The following SETD2 variants were observed in gnomAD, a reference collection of about 807,000 sequenced individuals.
The protein encoded by SETD2 is histone-lysine N-methyltransferase SETD2.
SETD2 carries 31 observed loss-of-function variants against 242.1 expected under a neutral mutation model. The observed-to-expected ratio is 0.13, with a 90% CI of 0.10 to 0.17. The LOEUF (loss-of-function observed/expected upper bound fraction) is 0.17, where lower values mean the gene tolerates loss of function less well. Among genes scored for constraint, SETD2 ranks in the 10% least tolerant of loss-of-function variants. SETD2 has a pLI of 1.00. For missense variants in SETD2, 2,481 were observed against 3,046.3 expected (o/e 0.81, Z 4.37); for synonymous variants, 1,006 against 1,066.5 (o/e 0.94, Z 1.11).
chr3:47,120,058 T>G, intron 3 of SETD2, 124 bp downstream of exon 3: 2 of 853,522 alleles, frequency 2.3e-6, no homozygotes, highest in Non-Finnish European at 3.4e-6. Flanking sequence ...TTTAGACTTT[T>G]AAATTTACTT....
At position 47,124,294 on chromosome 3, in the gene SETD2, A is replaced by G. The variant is rs2106724621; in HGVS notation, c.342T>C (p.Pro114=). The change falls in exon 3 of 21, where the codon CCT becomes CCC. Residue 114 remains proline, a synonymous_variant. Transcript: ENST00000409792. ...TATCACCAATTTCCATTTTCATTTTAGGAGTCGAGTCTACCTGAAGAGGTA... is the reference window on the plus strand; with the variant it reads ...TATCACCAATTTCCATTTTCATTTTGGGAGTCGAGTCTACCTGAAGAGGTA... ...PAVPLQVDST[P]KMKMEIGDTL... The G allele has an allele frequency of 6.4e-7, 1 of 1,551,784 alleles. No individual in the cohort carries two copies. The highest frequency in any genetic ancestry group is 1.2e-5 in the South Asian group (1 of 84,070).
At chr3:47,147,481 C>T (rs1192540625) in intron 1 of SETD2, among the ~76,000 whole-genome samples, 3 of 151,454 alleles carry the variant, frequency 2.0e-5, no homozygotes, top group Admixed American at 2.0e-4. Context: ...CACCACCACG[C>T]CCAGCTAATT....
In SETD2 at chr3:47,120,677, T is replaced by C. The variant is rs2043039729; in HGVS notation, c.3959A>G (p.Tyr1320Cys). Residue 1320 changes from tyrosine (Y) to cysteine (C), a missense_variant, in exon 3 of 21, where the codon TAT (tyrosine) becomes TGT (cysteine). Physicochemically the swap from Tyr to Cys is radical, Grantham distance 194. Coordinates refer to ENST00000409792, the MANE Select transcript of SETD2 (RefSeq NM_014159.7). ...TGGTACTTGTCCTTGAGTTCGATCA[T>C]ACACAACCCCAGTTCCAGGAGGTCT... ...SGRPPGTGVV[Y>C]DRTQGQVPDS... The C allele has an allele frequency of 6.2e-7, 1 of 1,614,160 alleles. No individual in the cohort carries two copies. The highest frequency in any genetic ancestry group is 8.5e-7 in the Non-Finnish European group (1 of 1,180,030).
intron 1 of SETD2, among the ~76,000 whole-genome samples, chr3:47,155,218 A>G (rs1359219281): frequency 6.6e-6 from 1 of 152,128 alleles, no homozygotes; most frequent in Non-Finnish European, 1.5e-5. Context: ...ATTACATATC[A>G]GGTAATAGTA....
At chr3:47,124,611 C>T (rs2106731450) in intron 2 of SETD2, 63 bp from the exon 3 acceptor site, 2 of 1,373,196 alleles carry the variant, frequency 1.5e-6, no homozygotes, top group Admixed American at 2.7e-5. Flanking sequence ...ATGGACTGCA[C>T]AGTTTAAAAT....
At chr3:47,137,591 G>A (rs2043618005) in intron 1 of SETD2, among the ~76,000 whole-genome samples, 1 of 152,074 alleles carries the variant, frequency 6.6e-6, no homozygotes, top group South Asian at 2.1e-4. Context: ...GCTTCTTTAG[G>A]ACAGAGATTT....
intron 18 of SETD2, among the ~76,000 whole-genome samples, chr3:47,025,483 CCTATTAT>C (rs2107505901): frequency 6.6e-6 from 1 of 152,306 alleles, no homozygotes; most frequent in East Asian, 1.9e-4. Context: ...CTCCCAAGTA[CCTATTAT>C]ACAACATTAC....
intron 1 of SETD2, among the ~76,000 whole-genome samples, chr3:47,145,168 G>A (rs1362852692): frequency 1.3e-5 from 2 of 151,974 alleles, no homozygotes; most frequent in East Asian, 1.9e-4. Flanking sequence ...GTTGAGTAAC[G>A]CTTACTGAAA....
chr3:47,158,575 C>T (rs1229431490), intron 1 of SETD2, among the ~76,000 whole-genome samples: 1 of 152,110 alleles, frequency 6.6e-6, no homozygotes, highest in Non-Finnish European at 1.5e-5. Context: ...ATAACATTTT[C>T]TTTTCTCTAG....
Position 47,116,607 on chromosome 3 carries a change from A to G in SETD2, c.4586+16T>C. The G allele has an allele frequency of 6.2e-7, 1 of 1,600,576 alleles. No individual in the cohort carries two copies. The highest frequency in any genetic ancestry group is 8.5e-7 in the Non-Finnish European group (1 of 1,175,096). On this transcript the variant is annotated intron_variant, in intron 4 of 20. Coordinates refer to ENST00000409792, the MANE Select transcript of SETD2 (RefSeq NM_014159.7). ...TAGAAGTGTTGAGCAAAAGCCGAGT[A>G]TTCTAATTTACTTACCATTCAATCA...
chr3:47,129,946 G>C (rs998966228), intron 1 of SETD2, among the ~76,000 whole-genome samples: 1 of 151,792 alleles, frequency 6.6e-6, no homozygotes, highest in Non-Finnish European at 1.5e-5. Flanking sequence ...TTAGTTGAAA[G>C]CTGGGGGAAG....
At chr3:47,039,014 G>A (rs1447148184) in intron 17 of SETD2, among the ~76,000 whole-genome samples, 2 of 152,102 alleles carry the variant, frequency 1.3e-5, no homozygotes, top group African/African-American at 4.8e-5. Flanking sequence ...ATAGACTATT[G>A]TAAAAATAGG....
intron 1 of SETD2, among the ~76,000 whole-genome samples, chr3:47,142,909 T>A (rs1008370832): frequency 2.0e-5 from 3 of 152,096 alleles, no homozygotes; most frequent in Non-Finnish European, 4.4e-5. Flanking sequence ...CCTCAGGTGA[T>A]CTGCCCCACC....
At chr3:47,162,163 G>C (rs1697504460) in intron 1 of SETD2, among the ~76,000 whole-genome samples, 1 of 151,974 alleles carries the variant, frequency 6.6e-6, no homozygotes, top group Non-Finnish European at 1.5e-5. Context: ...TAAAGCTTCC[G>C]GACTTCACCA....
intron 19 of SETD2, among the ~76,000 whole-genome samples, chr3:47,018,242 A>G (rs1027907693): frequency 6.6e-6 from 1 of 152,182 alleles, no homozygotes; most frequent in African/African-American, 2.4e-5. Flanking sequence ...ATGATATGAC[A>G]GCCAGCAAAG....
intron 1 of SETD2, among the ~76,000 whole-genome samples, chr3:47,133,672 G>A (rs1307062103): frequency 6.6e-6 from 1 of 152,178 alleles, no homozygotes; most frequent in Non-Finnish European, 1.5e-5. Context: ...GGCAGAGGTT[G>A]CAGTGAGCCA....
Position 47,042,661 on chromosome 3 carries a change from G to A in SETD2, c.7138C>T (p.Pro2380Ser). Residue 2380 changes from proline (P) to serine (S), a missense_variant, in exon 17 of 21, where the codon CCC becomes TCC. By Grantham distance (74) the Pro-to-Ser change is moderately conservative (BLOSUM62 -1). This residue lies in a region of SETD2 where 235 missense variants were observed against 293.9 expected (regional missense o/e 0.80). Transcript: ENST00000409792. The stretch of plus-strand genomic sequence containing the variant: ...GTTTTTGGTTTGGGAGGAGAGGGGG[G>A]CGGCAGATCCAAGAGATTATTTGTC... ...VVTNNLLDLP[P>S]PSPPKPKTIV... The A allele has an allele frequency of 1.2e-6, 2 of 1,611,662 alleles. No individual in the cohort carries two copies. The highest frequency in any genetic ancestry group is 1.7e-6 in the Non-Finnish European group (2 of 1,179,222).
In SETD2 at chr3:47,062,219, GCTT is replaced by G. The variant is rs1287950651; in HGVS notation, c.6234_6236del (p.Arg2078del). The G allele has an allele frequency of 6.2e-7, 1 of 1,614,108 alleles. No individual in the cohort carries two copies. Among genetic ancestry groups the G allele is most frequent in the Non-Finnish European group, 8.5e-7 (1 of 1,180,010 alleles). ...AGGCAGAAGAGGGTGGTGAGAGGGAGCTTCTTCGTTTCCTTTTCTCTTTATTTT... is the reference window on the plus strand; with the variant it reads ...AGGCAGAAGAGGGTGGTGAGAGGGAGCTTCGTTTCCTTTTCTCTTTATTTT... On this transcript the variant is annotated inframe_deletion, in exon 14 of 21. Coordinates refer to ENST00000409792, the MANE Select transcript of SETD2 (RefSeq NM_014159.7).
rs762537562 is a variant in SETD2, at chr3:47,122,818, A to G, written c.1818T>C (p.Asn606=). The change falls in exon 3 of 21, where the codon AAT becomes AAC. Residue 606 remains asparagine, a synonymous_variant. Transcript: ENST00000409792. ...KGSELRMINK[N]PEREKAGSPA... ...GAGACCCAGCCTTTTCTCTTTCAGG[A>G]TTTTTATTAATCATTCTTAATTCAC... 2 of 1,613,462 alleles carry G rather than the reference A, an allele frequency of 1.2e-6. No homozygotes were observed. The highest frequency in any genetic ancestry group is 1.7e-5 in the Admixed American group (1 of 59,876).
Sources: gnomAD v4.1 joint callset for allele counts (sites outside exome capture counted in the v4.1 genomes callset) on GRCh38, gnomAD v4.1.1 for gene constraint, gnomAD v4.1.1 regional missense constraint, MANE v1.5 for transcripts, NCBI Gene and HGNC (gene_info 2026-07-23, HGNC 2026-07-21) for gene names.